The following WWOX variants were observed in gnomAD, a reference collection of about 807,000 sequenced individuals.
The protein encoded by WWOX is WW domain containing oxidoreductase.
A neutral mutation model predicts 46.2 loss-of-function variants in WWOX; 69 were observed. The ratio of observed to expected loss-of-function variants is 1.49; its 90% confidence interval spans 1.23 to 1.82. The LOEUF (loss-of-function observed/expected upper bound fraction) is 1.82. Ranked by LOEUF, WWOX falls within the 40% of genes most tolerant of loss-of-function variation. The pLI is 0.00. For missense variants in WWOX, 919 were observed against 542.6 expected, an observed-to-expected ratio of 1.69 and a Z score of -6.89; for synonymous variants, 359 against 202.6, an observed-to-expected ratio of 1.77 and a Z score of -6.56.
At position 78,914,823 on chromosome 16, in the gene WWOX, G is replaced by C. The variant is rs143196499; in HGVS notation, c.1057-296785G>C. ...GAACCCAGGAGGCGGAGCTTGCAGT[G>C]AGCCAGGATCGCGCCACTGCACTCC... On this transcript the variant is annotated intron_variant, in intron 8 of 8. Transcript: ENST00000566780. Among the ~76,000 whole-genome samples, 1,957 of 147,740 alleles carry C rather than the reference G, an allele frequency of 0.013. 79 individuals carry two copies. In the East Asian group the frequency reaches 0.14, roughly 11 times the overall value.
intron 8 of WWOX, among the ~76,000 whole-genome samples, chr16:79,005,945 C>T (rs560051493): frequency 6.6e-6 from 1 of 152,320 alleles, no homozygotes; most frequent in Non-Finnish European, 1.5e-5. Flanking sequence ...CATCCATACT[C>T]TGGTTACCCA....
chr16:78,409,631 T>C (rs1020849212), intron 6 of WWOX, among the ~76,000 whole-genome samples: 2 of 152,218 alleles, frequency 1.3e-5, no homozygotes, highest in African/African-American at 2.4e-5. Flanking sequence ...CACAAACTTA[T>C]GTGCTTAAAA....
chr16:78,141,321 G>C (rs117304928), intron 4 of WWOX, among the ~76,000 whole-genome samples: 2,193 of 151,918 alleles, frequency 0.014, 30 homozygotes, highest in Middle Eastern at 0.034. Flanking sequence ...GTTTTGTCAA[G>C]TATACAACAC....
At chr16:79,189,543 C>T (rs1167418602) in intron 8 of WWOX, among the ~76,000 whole-genome samples, 1 of 151,724 alleles carries the variant, frequency 6.6e-6, no homozygotes, top group Admixed American at 6.6e-5. Context: ...TCAAGCGATC[C>T]TCCTACCTTG....
intron 8 of WWOX, among the ~76,000 whole-genome samples, chr16:79,162,094 A>T (rs1257843570): frequency 6.6e-6 from 1 of 152,158 alleles, no homozygotes; most frequent in Non-Finnish European, 1.5e-5. Flanking sequence ...TACCCCCTGA[A>T]TCATTACCTG....
intron 8 of WWOX, among the ~76,000 whole-genome samples, chr16:78,556,576 G>A (rs141437798): frequency 6.6e-6 from 1 of 152,192 alleles, no homozygotes; most frequent in African/African-American, 2.4e-5. Flanking sequence ...CAGCTGGACC[G>A]GCGTGCGGTG....
intron 8 of WWOX, among the ~76,000 whole-genome samples, chr16:78,912,219 C>T (rs751755795): frequency 6.6e-6 from 1 of 152,022 alleles, no homozygotes; most frequent in East Asian, 1.9e-4. Flanking sequence ...AACAAAGCCC[C>T]AGTTGTTTTG....
intron 8 of WWOX, among the ~76,000 whole-genome samples, chr16:78,523,615 C>G (rs899693850): frequency 1.3e-5 from 2 of 152,208 alleles, no homozygotes; most frequent in African/African-American, 4.8e-5. Flanking sequence ...ATTTATTTTT[C>G]TCCACCTTGG....
chr16:78,855,534 G>T (rs1004154230), intron 8 of WWOX, among the ~76,000 whole-genome samples: 1 of 152,144 alleles, frequency 6.6e-6, no homozygotes, highest in African/African-American at 2.4e-5. Flanking sequence ...TGTAAATGTG[G>T]CAGACAATAA....
chr16:78,526,055 T>C (rs3115959), intron 8 of WWOX: 127,347 of 151,996 alleles, frequency 0.84, 54,283 homozygotes, highest in East Asian at 1. Context: ...AGAGGTTTCC[T>C]AACAGTATTT....
intron 8 of WWOX, among the ~76,000 whole-genome samples, chr16:78,760,868 A>T (rs2049775063): frequency 2.0e-5 from 3 of 152,184 alleles, no homozygotes; most frequent in Admixed American, 1.3e-4. Context: ...ATGTCTGGGG[A>T]GGCCTCACAA....
intron 4 of WWOX, among the ~76,000 whole-genome samples, chr16:78,121,261 A>G (rs1340225064): frequency 6.6e-6 from 1 of 152,244 alleles, no homozygotes; most frequent in Non-Finnish European, 1.5e-5. Flanking sequence ...TAAATTAAAA[A>G]CATTTGTGCC....
intron 8 of WWOX, among the ~76,000 whole-genome samples, chr16:79,082,112 T>A (rs1453319711): frequency 6.6e-6 from 1 of 152,212 alleles, no homozygotes; most frequent in East Asian, 1.9e-4. Flanking sequence ...TCCTTGAGCC[T>A]AGAACCTCTT....
chr16:78,464,829 T>A (rs1436848539), intron 8 of WWOX, among the ~76,000 whole-genome samples: 2 of 152,130 alleles, frequency 1.3e-5, no homozygotes, highest in Admixed American at 6.6e-5. Context: ...ATAAGGAGAA[T>A]CAGAGAAAGA....
intron 8 of WWOX, among the ~76,000 whole-genome samples, chr16:78,777,480 G>C (rs138109505): frequency 1.3e-5 from 2 of 152,146 alleles, no homozygotes; most frequent in Non-Finnish European, 2.9e-5. Flanking sequence ...AGTAGACATT[G>C]CAAATACAGA....
intron 8 of WWOX, among the ~76,000 whole-genome samples, chr16:79,152,960 A>T (rs8045695): frequency 0.033 from 5,057 of 152,164 alleles, 306 homozygotes; most frequent in African/African-American, 0.12. Context: ...TCCTAGCGTG[A>T]GAGTGTCAGG....
chr16:78,185,056 C>T (rs2035653460), intron 5 of WWOX, among the ~76,000 whole-genome samples: 2 of 152,156 alleles, frequency 1.3e-5, no homozygotes, highest in African/African-American at 4.8e-5. Flanking sequence ...TGTGCTGACC[C>T]TCGCTCTGGC....
At chr16:78,940,444 G>C (rs1597180513) in intron 8 of WWOX, among the ~76,000 whole-genome samples, 1 of 152,290 alleles carries the variant, frequency 6.6e-6, no homozygotes, top group African/African-American at 2.4e-5. Context: ...TTAGATACAA[G>C]TCAAAATATG....
At chr16:78,714,045 G>C (rs2048506813) in intron 8 of WWOX, among the ~76,000 whole-genome samples, 1 of 152,190 alleles carries the variant, frequency 6.6e-6, no homozygotes, top group Non-Finnish European at 1.5e-5. Flanking sequence ...CTGGGGAAAA[G>C]AAGGCAAAAT....
Sources: allele counts gnomAD v4.1 joint callset (sites outside exome capture counted in the v4.1 genomes callset), GRCh38; gene constraint gnomAD v4.1.1; transcripts MANE v1.5; gene names NCBI Gene and HGNC (gene_info 2026-07-23, HGNC 2026-07-21).